The following TYW1B variants were observed in gnomAD, a reference collection of about 807,000 sequenced individuals.
TYW1B encodes the protein S-adenosyl-L-methionine-dependent tRNA 4-demethylwyosine synthase TYW1B.
A neutral mutation model predicts 86.9 loss-of-function variants in TYW1B; 73 were observed. The ratio of observed to expected loss-of-function variants is 0.84; its 90% CI spans 0.70 to 1.02. TYW1B has a LOEUF of 1.02. TYW1B is among the 50% of genes least tolerant of loss of function. The pLI, the probability that TYW1B is intolerant of heterozygous loss-of-function variation, is 0.00. For missense variants in TYW1B, 637 were observed against 827.4 expected, an observed-to-expected ratio of 0.77 and a Z score of 2.82; for synonymous variants, 248 against 292.8, an observed-to-expected ratio of 0.85 and a Z score of 1.56.
chr7:72,724,849 T>C (rs544848649), intron 9 of TYW1B, among the ~76,000 whole-genome samples: 22 of 152,220 alleles, frequency 1.4e-4, no homozygotes, highest in Non-Finnish European at 2.8e-4. Flanking sequence ...CTGGGGATCA[T>C]TCCTTCCGTC....
chr7:72,809,544 T>C (rs1420314808), intron 4 of TYW1B, among the ~76,000 whole-genome samples: 4 of 151,964 alleles, frequency 2.6e-5, no homozygotes, highest in African/African-American at 9.7e-5. Context: ...TTCCAGCTAC[T>C]AGGGAGGCTG....
intron 13 of TYW1B, among the ~76,000 whole-genome samples, chr7:72,581,650 A>G (rs1243533490): frequency 2.0e-5 from 3 of 151,854 alleles, no homozygotes; most frequent in African/African-American, 7.3e-5. Context: ...GAAGAGATGG[A>G]GTTGCACCAT....
chr7:72,826,351 T>G (rs1220808164), intron 2 of TYW1B, among the ~76,000 whole-genome samples: 1 of 152,218 alleles, frequency 6.6e-6, no homozygotes, highest in African/African-American at 2.4e-5. Context: ...CTGACACACC[T>G]GTATTTTTCT....
chr7:72,676,081 C>G (rs1213319251), intron 11 of TYW1B, among the ~76,000 whole-genome samples: 2 of 152,094 alleles, frequency 1.3e-5, no homozygotes, highest in African/African-American at 4.8e-5. Flanking sequence ...CTCTTTGGGG[C>G]TAAACAGGGG....
intron 11 of TYW1B, among the ~76,000 whole-genome samples, chr7:72,660,715 T>C (rs1554444325): frequency 1.3e-5 from 2 of 152,100 alleles, no homozygotes; most frequent in African/African-American, 2.4e-5. Flanking sequence ...GAGAAAGACC[T>C]AGGTATTGGT....
At chr7:72,759,446 A>G (rs1197698934) in intron 7 of TYW1B, among the ~76,000 whole-genome samples, 5 of 115,054 alleles carry the variant, frequency 4.3e-5, no homozygotes, top group African/African-American at 1.5e-4. Context: ...AAGAAATGGA[A>G]TAAGATTCTC....
At chr7:72,662,958 CATTCTTTTTTATTTCCCTTTCCTGTAA>C (rs1427652115) in intron 11 of TYW1B, among the ~76,000 whole-genome samples, 1 of 152,160 alleles carries the variant, frequency 6.6e-6, no homozygotes, top group African/African-American at 2.4e-5. Flanking sequence ...AGCTTCTGAT[CATTCTTTTTTATTTCCCTTTCCTGTAA>C]ATTCTTTTTT....
At chr7:72,577,911 G>A (rs1307792037) in intron 13 of TYW1B, among the ~76,000 whole-genome samples, 2 of 152,132 alleles carry the variant, frequency 1.3e-5, no homozygotes, top group Non-Finnish European at 2.9e-5. Flanking sequence ...CGGTTGCAGT[G>A]AGAGAGTTCC....
chr7:72,609,126 G>A (rs1554435443), intron 13 of TYW1B, among the ~76,000 whole-genome samples: 1 of 152,214 alleles, frequency 6.6e-6, no homozygotes, highest in Non-Finnish European at 1.5e-5. Flanking sequence ...AGCTTCCTGT[G>A]AATCTATAAT....
chr7:72,606,709 A>G (rs1811809145), intron 13 of TYW1B, among the ~76,000 whole-genome samples: 1 of 151,476 alleles, frequency 6.6e-6, no homozygotes, highest in Non-Finnish European at 1.5e-5. Context: ...CAGGAGGCTG[A>G]CGGGAGCCAG....
chr7:72,706,415 GA>G (rs1782457520), intron 10 of TYW1B, among the ~76,000 whole-genome samples: 1 of 105,968 alleles, frequency 9.4e-6, no homozygotes, highest in African/African-American at 3.9e-5. Context: ...CAACAAGAGC[GA>G]AACTCCTCCA....
intron 11 of TYW1B, among the ~76,000 whole-genome samples, chr7:72,669,428 TA>T (rs1333562830): frequency 1.3e-5 from 2 of 152,036 alleles, no homozygotes; most frequent in African/African-American, 4.8e-5. Context: ...ATTACAGGCA[TA>T]AGCCACTGCA....
At chr7:72,780,361 G>A (rs547359470) in intron 6 of TYW1B, among the ~76,000 whole-genome samples, 1 of 152,218 alleles carries the variant, frequency 6.6e-6, no homozygotes, top group Non-Finnish European at 1.5e-5. Flanking sequence ...TCTATATAGC[G>A]AGTCTCTATA....
intron 12 of TYW1B, among the ~76,000 whole-genome samples, chr7:72,618,798 GA>G (rs1292786333): frequency 6.6e-6 from 1 of 152,170 alleles, no homozygotes; most frequent in African/African-American, 2.4e-5. Context: ...CAGAGTTAAA[GA>G]AACCAACGAC....
rs1554440002 is a variant in TYW1B at position 72,632,364 on chromosome 7, T to TAC, written c.1507-3369_1507-3368dup. 3.7e-3 allele frequency among the ~76,000 whole-genome samples: 388 copies of TAC among 103,956 alleles called. 12 individuals are homozygous for TAC. Among genetic ancestry groups the TAC allele is most frequent in the African/African-American group, 0.017 (357 of 20,522 alleles). 68.2% of individuals were successfully genotyped at this position (103,956 alleles called of 152,430 possible). On this transcript the variant is annotated intron_variant, in intron 11 of 13. Transcript: ENST00000620995. The stretch of plus-strand genomic sequence containing the variant: ...ATATATATTATATATATTATATATA[T>TAC]ACGCATATATATTATATATATACGT...
intron 9 of TYW1B, among the ~76,000 whole-genome samples, chr7:72,720,551 T>A (rs1554457173): frequency 6.6e-6 from 1 of 152,234 alleles, no homozygotes; most frequent in Admixed American, 6.5e-5. Context: ...TTATCCTGAT[T>A]CTTTCACAAG....
intron 2 of TYW1B, 24 bp downstream of exon 2, chr7:72,826,831 A>G (rs1245561823): frequency 5.6e-6 from 9 of 1,604,500 alleles, no homozygotes; most frequent in South Asian, 1.1e-5. Flanking sequence ...TAAATACTCT[A>G]TTAAAAAAAA....
chr7:72,672,508 A>ACACACACACACC (rs1389234655), intron 11 of TYW1B, among the ~76,000 whole-genome samples: 1 of 149,670 alleles, frequency 6.7e-6, no homozygotes, highest in South Asian at 2.2e-4. Context: ...ACACACACAC[A>ACACACACACACC]CCTGTATACA....
intron 7 of TYW1B, among the ~76,000 whole-genome samples, chr7:72,763,976 AAT>A (rs1466749125): frequency 6.6e-6 from 1 of 152,228 alleles, no homozygotes; most frequent in African/African-American, 2.4e-5. Flanking sequence ...AATTCATTAA[AAT>A]ATGTTATCAG....
Sources: allele counts gnomAD v4.1 joint callset (sites outside exome capture counted in the v4.1 genomes callset), GRCh38; gene constraint gnomAD v4.1.1; transcripts MANE v1.5; gene names NCBI Gene and HGNC (gene_info 2026-07-23, HGNC 2026-07-21).